Variants in PFKP observed in about 807,000 individuals in gnomAD.
PFKP encodes the protein ATP-dependent 6-phosphofructokinase, platelet type.
Under a neutral mutation model 94.3 loss-of-function variants are expected in PFKP, and 101 were observed. The observed-to-expected ratio is 1.07, with a 90% CI of 0.91 to 1.26. The LOEUF (loss-of-function observed/expected upper bound fraction) is 1.26. PFKP is among the 50% of genes most tolerant of loss of function. PFKP has a pLI of 0.00. For missense variants in PFKP, 1,145 were observed against 1,103.3 expected (o/e 1.04, Z -0.53); for synonymous variants, 573 against 432.6 (o/e 1.32, Z -4.03).
At position 3,120,372 on chromosome 10, in the gene PFKP, TG is replaced by T. The variant is rs34361470; in HGVS notation, c.1683+329del. Reference sequence around the variant, plus strand: ...ATTGTACCAGCATTAAAAATCGCTGTGTGTGTGTGTGTGTGTGTGTGTGTGT... The same window carrying T: ...ATTGTACCAGCATTAAAAATCGCTGTTGTGTGTGTGTGTGTGTGTGTGTGT... On this transcript the variant is annotated intron_variant, in intron 16 of 21. Coordinates refer to ENST00000381125, the MANE Select transcript of PFKP (RefSeq NM_002627.5). 5.2e-3 allele frequency among the ~76,000 whole-genome samples: 649 copies of T among 125,886 alleles called. 6 individuals carry two copies. Among genetic ancestry groups the T allele is most frequent in the African/African-American group, 0.019 (609 of 31,914 alleles). 82.6% of individuals were successfully genotyped at this position (125,886 alleles called of 152,430 possible).
At position 3,099,352 on chromosome 10, in the gene PFKP, G is replaced by A. The variant is rs1834764439; in HGVS notation, c.264G>A (p.Val88=). 1 of 1,612,954 alleles carries A rather than the reference G, an allele frequency of 6.2e-7. No individual in the cohort carries two copies. Among genetic ancestry groups the A allele is most frequent in the African/African-American group, 1.3e-5 (1 of 75,024 alleles). Residue 88 remains valine, a splice_region_variant and synonymous_variant, in exon 3 of 22, where the codon GTG becomes GTA. Coordinates refer to ENST00000381125, the MANE Select transcript of PFKP (RefSeq NM_002627.5). The part of the protein sequence containing the change: ...DWESVSSILQ[V]GGTIIGSARC... ...AGAGTGTCTCCAGCATCCTGCAAGT[G>A]GTAGGTACTGGGCTGCGTCCACAGG...
chr10:3,072,447 C>T (rs1012233766), intron 1 of PFKP, among the ~76,000 whole-genome samples: 1 of 152,202 alleles, frequency 6.6e-6, no homozygotes. Context: ...CCGTTACCTT[C>T]CTGTGTACAT....
intron 2 of PFKP, among the ~76,000 whole-genome samples, chr10:3,092,896 C>A (rs932364293): frequency 6.6e-6 from 1 of 152,034 alleles, no homozygotes; most frequent in African/African-American, 2.4e-5. Flanking sequence ...CTCTCCTAAT[C>A]TGGAGGATGC....
intron 13 of PFKP, among the ~76,000 whole-genome samples, chr10:3,115,061 G>A (rs1284025495): frequency 1.3e-5 from 2 of 152,166 alleles, no homozygotes; most frequent in African/African-American, 4.8e-5. Flanking sequence ...GGGTTTGCTT[G>A]CTAAGTACAC....
At chr10:3,123,347 CT>C (rs1255823615) in intron 16 of PFKP, among the ~76,000 whole-genome samples, 3 of 152,242 alleles carry the variant, frequency 2.0e-5, no homozygotes, top group Non-Finnish European at 4.4e-5. Context: ...CCTGGCTGCG[CT>C]TGGTCTTGAG....
At chr10:3,129,745 T>C (rs1045470205) in intron 16 of PFKP, 74 bp from the exon 17 acceptor site, 9 of 1,537,082 alleles carry the variant, frequency 5.9e-6, no homozygotes, top group South Asian at 2.3e-5. Flanking sequence ...CTGCACTCAC[T>C]CTTGGGGGAG....
At chr10:3,100,229 G>C (rs549416791) in intron 3 of PFKP, among the ~76,000 whole-genome samples, 1 of 151,868 alleles carries the variant, frequency 6.6e-6, no homozygotes, top group Non-Finnish European at 1.5e-5. Flanking sequence ...GCTGGCTCTC[G>C]TGCTGCCCCC....
intron 16 of PFKP, among the ~76,000 whole-genome samples, chr10:3,124,513 GGGCAGAAAC>G (rs1837734759): frequency 6.6e-6 from 1 of 152,218 alleles, no homozygotes; most frequent in Non-Finnish European, 1.5e-5. Context: ...GGCTTGCCGA[GGGCAGAAAC>G]GGCAGCTTCC....
intron 2 of PFKP, among the ~76,000 whole-genome samples, chr10:3,093,693 G>C (rs1356915992): frequency 7.2e-6 from 1 of 138,446 alleles, no homozygotes; most frequent in Admixed American, 7.7e-5. Flanking sequence ...ACCCAGGCTG[G>C]AGTGCAGTGG....
At chr10:3,121,890 C>G (rs1196479077) in intron 16 of PFKP, among the ~76,000 whole-genome samples, 1 of 137,192 alleles carries the variant, frequency 7.3e-6, no homozygotes, top group East Asian at 2.2e-4. Flanking sequence ...GCTGCAATCG[C>G]TATTCACTGC....
chr10:3,124,792 C>T (rs1837759269), intron 16 of PFKP, among the ~76,000 whole-genome samples: 2 of 152,192 alleles, frequency 1.3e-5, no homozygotes, highest in Non-Finnish European at 2.9e-5. Flanking sequence ...AGCTGTCCCA[C>T]TCGTGACTAA....
intron 13 of PFKP, among the ~76,000 whole-genome samples, chr10:3,114,718 G>C (rs1241223907): frequency 6.6e-6 from 1 of 152,266 alleles, no homozygotes; most frequent in Non-Finnish European, 1.5e-5. Flanking sequence ...TGGAGGGAAA[G>C]GATGCTCTGG....
intron 16 of PFKP, among the ~76,000 whole-genome samples, chr10:3,123,896 G>T (rs9423473): frequency 0.66 from 100,646 of 152,060 alleles, 33,816 homozygotes; most frequent in South Asian, 0.75. Context: ...CCTGGGTGGA[G>T]GTGGAGGCTG....
intron 16 of PFKP, among the ~76,000 whole-genome samples, chr10:3,126,565 C>T (rs892789667): frequency 1.3e-5 from 2 of 152,230 alleles, no homozygotes; most frequent in Admixed American, 6.5e-5. Flanking sequence ...GACCCCCACC[C>T]CCTGTCCCGT....
At chr10:3,105,211 G>A (rs1382966688) in intron 6 of PFKP, 52 bp downstream of exon 6, 11 of 1,539,794 alleles carry the variant, frequency 7.1e-6, no homozygotes, top group South Asian at 2.2e-5. Flanking sequence ...GGGACCCTCA[G>A]CATCATCTCC....
chr10:3,116,448 C>G (rs928659544), intron 13 of PFKP, among the ~76,000 whole-genome samples: 44 of 152,210 alleles, frequency 2.9e-4, no homozygotes, highest in African/African-American at 1.0e-3. Flanking sequence ...CTTTTACCAA[C>G]TTAGAAACCA....
rs151300480 is a variant in PFKP at position 3,107,956 on chromosome 10, G to A, written c.870+647G>A. ...CTCCAGCAGCCACGGGGCAGAAGAC[G>A]TCCCCACCTGGCTTTGCAAGTCGGC... On this transcript the variant is annotated intron_variant, in intron 8 of 21. Coordinates refer to ENST00000381125, the MANE Select transcript of PFKP (RefSeq NM_002627.5). 4.9e-4 allele frequency: 636 copies of A among 1,289,698 alleles called. 3 individuals are homozygous for A. The African/African-American group carries it at 8.5e-3, about 17-fold the overall frequency. 79.9% of individuals were successfully genotyped at this position (1,289,698 alleles called of 1,614,324 possible).
chr10:3,119,044 C>T (rs17285851), intron 15 of PFKP, among the ~76,000 whole-genome samples, 175 bp downstream of exon 15: 40 of 151,960 alleles, frequency 2.6e-4, no homozygotes, highest in African/African-American at 9.2e-4. Flanking sequence ...ACGTGGCCTA[C>T]GAGTGGCCCA....
At chr10:3,079,657 C>CGGGGGGGGGGGG (rs1456588977) in intron 1 of PFKP, among the ~76,000 whole-genome samples, 2 of 7,794 alleles carry the variant, frequency 2.6e-4, no homozygotes, top group Non-Finnish European at 3.1e-4. Flanking sequence ...CTTCAGAGAG[C>CGGGGGGGGGGGG]GGGGTGGGGG....
Sources: allele counts gnomAD v4.1 joint callset (sites outside exome capture counted in the v4.1 genomes callset), GRCh38; gene constraint gnomAD v4.1.1; transcripts MANE v1.5; gene names NCBI Gene and HGNC (gene_info 2026-07-23, HGNC 2026-07-21).